The following RIT2 variants were observed in gnomAD, a reference collection of about 807,000 sequenced individuals.
The protein encoded by RIT2 is Ras like without CAAX 2, also known as GTP-binding protein Rit2.
In RIT2, 24 loss-of-function variants were observed where a neutral mutation model predicts 23.7. The observed-to-expected ratio is 1.01, with a 90% CI of 0.73 to 1.43. The LOEUF (loss-of-function observed/expected upper bound fraction) is 1.43. RIT2 is among the 40% of genes most tolerant of loss of function. The pLI is 0.00. For synonymous variants in RIT2, 107 were observed against 91.1 expected, an observed-to-expected ratio of 1.17 and a Z score of -0.99; for missense variants, 236 against 266.9, an observed-to-expected ratio of 0.88 and a Z score of 0.81.
At chr18:42,965,293 A>G (rs943197121) in intron 3 of RIT2, among the ~76,000 whole-genome samples, 8 of 152,140 alleles carry the variant, frequency 5.3e-5, no homozygotes, top group Non-Finnish European at 1.2e-4. Context: ...GACCCAAGAA[A>G]TATTTTCTCT....
intron 3 of RIT2, among the ~76,000 whole-genome samples, chr18:42,927,369 GGTGT>G (rs60819423): frequency 0.025 from 3,761 of 147,844 alleles, 92 homozygotes; most frequent in African/African-American, 0.066. Flanking sequence ...ATGTGGATGT[GGTGT>G]GTGTGTGTGT....
At chr18:42,962,742 A>T (rs1226489264) in intron 3 of RIT2, among the ~76,000 whole-genome samples, 2 of 152,332 alleles carry the variant, frequency 1.3e-5, no homozygotes, top group Middle Eastern at 3.4e-3. Flanking sequence ...ATTCTAAAAT[A>T]GACCCCCTAT....
chr18:42,975,233 T>C (rs1910452151), intron 2 of RIT2, among the ~76,000 whole-genome samples: 1 of 152,102 alleles, frequency 6.6e-6, no homozygotes, highest in Admixed American at 6.6e-5. Context: ...TAAAGAGATG[T>C]AGAATGTTAT....
intron 4 of RIT2, among the ~76,000 whole-genome samples, chr18:42,856,989 C>T (rs914781761): frequency 6.6e-6 from 1 of 151,898 alleles, no homozygotes; most frequent in Non-Finnish European, 1.5e-5. Context: ...CCACCACGCC[C>T]GGCTAATTTT....
chr18:43,056,625 T>C (rs1912508769), intron 1 of RIT2, among the ~76,000 whole-genome samples: 1 of 152,110 alleles, frequency 6.6e-6, no homozygotes, highest in African/African-American at 2.4e-5. Context: ...ACCTTGAACA[T>C]ATTGAAGAAA....
intron 3 of RIT2, among the ~76,000 whole-genome samples, chr18:42,941,919 C>T (rs554182081): frequency 3.9e-4 from 60 of 152,154 alleles, no homozygotes; most frequent in African/African-American, 1.2e-3. Flanking sequence ...CAAGATCACA[C>T]GACTAGTTAG....
At chr18:42,867,834 C>G (rs1350690304) in intron 4 of RIT2, among the ~76,000 whole-genome samples, 1 of 152,134 alleles carries the variant, frequency 6.6e-6, no homozygotes, top group Admixed American at 6.6e-5. Flanking sequence ...CTTCACGATT[C>G]TCAGCAATTT....
At chr18:43,041,604 A>G (rs552061679) in intron 1 of RIT2, among the ~76,000 whole-genome samples, 1 of 152,292 alleles carries the variant, frequency 6.6e-6, no homozygotes, top group African/African-American at 2.4e-5. Flanking sequence ...TGTTCATACA[A>G]TGGCAGTGGT....
At chr18:42,894,957 A>C (rs192325626) in intron 4 of RIT2, among the ~76,000 whole-genome samples, 1 of 152,342 alleles carries the variant, frequency 6.6e-6, no homozygotes, top group Admixed American at 6.5e-5. Flanking sequence ...GCAGGTGTTC[A>C]TTTAGTCTCT....
At chr18:43,057,545 T>C (rs1477072083) in intron 1 of RIT2, among the ~76,000 whole-genome samples, 2 of 152,196 alleles carry the variant, frequency 1.3e-5, no homozygotes, top group Non-Finnish European at 2.9e-5. Flanking sequence ...ACTAGGAATA[T>C]TAAACATGGA....
chr18:42,917,159 T>C (rs1213473348), intron 4 of RIT2, among the ~76,000 whole-genome samples: 1 of 152,102 alleles, frequency 6.6e-6, no homozygotes, highest in Non-Finnish European at 1.5e-5. Flanking sequence ...GGACAGGAAG[T>C]ACTTCTCTGA....
rs146927797 is a variant in RIT2, at chr18:43,014,056, CA to C, written c.160+19754del. 8.5e-3 allele frequency among the ~76,000 whole-genome samples: 1,289 copies of C among 151,848 alleles called. 22 individuals carry two copies. Among genetic ancestry groups the C allele is most frequent in the African/African-American group, 0.03 (1,235 of 41,470 alleles). ...TCAAAATAAAAGATAATTATGAAAC[CA>C]ATAATCACATTCATGAAGACATAGT... On this transcript the variant is annotated intron_variant, in intron 2 of 4. Coordinates refer to ENST00000326695, the MANE Select transcript of RIT2 (RefSeq NM_002930.4).
chr18:42,996,952 C>G (rs1910998972), intron 2 of RIT2, among the ~76,000 whole-genome samples: 2 of 152,140 alleles, frequency 1.3e-5, no homozygotes, highest in Admixed American at 1.3e-4. Flanking sequence ...GGCTTCTGCA[C>G]CATGTGACAT....
At chr18:43,093,757 A>G (rs1006558218) in intron 1 of RIT2, among the ~76,000 whole-genome samples, 1 of 152,028 alleles carries the variant, frequency 6.6e-6, no homozygotes, top group African/African-American at 2.4e-5. Flanking sequence ...ACAACTGGGG[A>G]ACTGGTGAAG....
At chr18:43,111,109 A>T (rs1157856637) in intron 1 of RIT2, among the ~76,000 whole-genome samples, 4 of 152,182 alleles carry the variant, frequency 2.6e-5, no homozygotes, top group African/African-American at 9.7e-5. Context: ...ATGGAATACT[A>T]TTCAGCTATA....
intron 2 of RIT2, among the ~76,000 whole-genome samples, chr18:42,981,601 A>T (rs933427021): frequency 6.6e-6 from 1 of 152,110 alleles, no homozygotes; most frequent in African/African-American, 2.4e-5. Flanking sequence ...CACAATCCAA[A>T]ATGCCATAAT....
chr18:43,011,006 T>C (rs1235071098), intron 2 of RIT2, among the ~76,000 whole-genome samples: 1 of 151,724 alleles, frequency 6.6e-6, no homozygotes, highest in Non-Finnish European at 1.5e-5. Flanking sequence ...AAGAAATACA[T>C]GTGCAAGAAA....
intron 1 of RIT2, among the ~76,000 whole-genome samples, chr18:43,103,154 A>T (rs931664028): frequency 5.9e-5 from 9 of 152,122 alleles, no homozygotes; most frequent in African/African-American, 2.2e-4. Context: ...CTATACTTAC[A>T]TACCTGCCAC....
intron 2 of RIT2, among the ~76,000 whole-genome samples, chr18:43,011,250 A>G (rs1296280222): frequency 6.6e-6 from 1 of 151,808 alleles, no homozygotes; most frequent in African/African-American, 2.4e-5. Context: ...CTAAGGAATA[A>G]TGTGCAATCA....
Sources: allele counts gnomAD v4.1 joint callset (sites outside exome capture counted in the v4.1 genomes callset), GRCh38; gene constraint gnomAD v4.1.1; transcripts MANE v1.5; gene names NCBI Gene and HGNC (gene_info 2026-07-23, HGNC 2026-07-21).